C16orf96: variants seen among roughly 807,000 people sequenced by gnomAD.
The protein encoded by C16orf96 is uncharacterized protein C16orf96.
A neutral mutation model predicts 103.6 loss-of-function variants in C16orf96; 108 were observed. The ratio of observed to expected loss-of-function variants is 1.04; its 90% CI spans 0.89 to 1.22. The LOEUF (loss-of-function observed/expected upper bound fraction) is 1.22, where lower values mean the gene tolerates loss of function less well. Ranked by LOEUF, C16orf96 falls within the 50% of genes most tolerant of loss-of-function variation. C16orf96 has a pLI of 0.00. For synonymous variants in C16orf96, 566 were observed against 593.5 expected (o/e 0.95, Z 0.67); for missense variants, 1,586 against 1,464.2 (o/e 1.08, Z -1.36).
intron 7 of C16orf96, among the ~76,000 whole-genome samples, 189 bp downstream of exon 7, chr16:4,580,314 C>CCT (rs1287266947): frequency 8.0e-6 from 1 of 125,376 alleles, no homozygotes; most frequent in African/African-American, 2.7e-5. Flanking sequence ...CCCACCACCC[C>CCT]CCCCCACCCA....
intron 7 of C16orf96, among the ~76,000 whole-genome samples, chr16:4,582,056 C>T (rs1261110637): frequency 4.6e-5 from 7 of 151,934 alleles, no homozygotes; most frequent in South Asian, 2.1e-4. Flanking sequence ...CTGAGGCAGG[C>T]GGATCACCTG....
intron 2 of C16orf96, among the ~76,000 whole-genome samples, chr16:4,573,296 G>C (rs533225096): frequency 6.6e-6 from 1 of 151,924 alleles, no homozygotes; most frequent in Non-Finnish European, 1.5e-5. Context: ...AAAATTAGCT[G>C]GGTGTGGTTG....
intron 1 of C16orf96, 59 bp from the exon 2 acceptor site, chr16:4,571,502 T>C: frequency 3.5e-6 from 5 of 1,440,758 alleles, no homozygotes; most frequent in Non-Finnish European, 4.7e-6. Context: ...GCTTCTGCAC[T>C]TCACTTACCT....
Position 4,587,092 on chromosome 16 carries a change from G to A in C16orf96, c.2406G>A (p.Thr802=), listed in dbSNP as rs376364321. ...RLEMNKVNKS[T]MEEELREKAD... The stretch of plus-strand genomic sequence containing the variant: ...AAATGAACAAGGTGAATAAGAGCAC[G>A]ATGGAGGAGGAGCTGAGAGAGGTGA... The change falls in exon 8 of 16, where the codon ACG becomes ACA. Residue 802 remains threonine, a synonymous_variant. Transcript: ENST00000444310. 1.4e-5 allele frequency: 22 copies of A among 1,551,610 alleles called. No individual in the cohort carries two copies. The highest frequency in any genetic ancestry group is 1.7e-4 in the Middle Eastern group (1 of 5,964).
At chr16:4,597,533 A>G (rs1235200917) in intron 14 of C16orf96, among the ~76,000 whole-genome samples, 1 of 151,568 alleles carries the variant, frequency 6.6e-6, no homozygotes, top group Non-Finnish European at 1.5e-5. Context: ...CCAGGACTTG[A>G]ATCATGATGG....
chr16:4,571,006 CAAACAA>C (rs960064232), intron 1 of C16orf96, among the ~76,000 whole-genome samples: 5 of 151,876 alleles, frequency 3.3e-5, no homozygotes, highest in Admixed American at 6.6e-5. Flanking sequence ...CCATCTCTAC[CAAACAA>C]AAACAAAAAC....
At chr16:4,573,423 A>G (rs1254208399) in intron 2 of C16orf96, among the ~76,000 whole-genome samples, 2 of 124,374 alleles carry the variant, frequency 1.6e-5, no homozygotes, top group African/African-American at 6.2e-5. Flanking sequence ...TGGGTGACAG[A>G]GCAAGACTCC....
At chr16:4,546,100 G>A in the C16orf96 span, among the ~76,000 whole-genome samples, 1 of 151,506 alleles carries the variant, frequency 6.6e-6, no homozygotes, top group Non-Finnish European at 1.5e-5. Flanking sequence ...CGCCCACCCT[G>A]GCCTCCCAAA....
intron 7 of C16orf96, among the ~76,000 whole-genome samples, chr16:4,581,329 C>CT (rs2059586427): frequency 6.7e-6 from 1 of 148,158 alleles, no homozygotes; most frequent in Admixed American, 6.7e-5. Flanking sequence ...GAGCGAAACT[C>CT]TGTCTCAAAA....
chr16:4,574,150 T>A (rs1325214590), intron 2 of C16orf96, among the ~76,000 whole-genome samples: 2 of 151,170 alleles, frequency 1.3e-5, no homozygotes, highest in Admixed American at 6.6e-5. Flanking sequence ...AGATTCTTAA[T>A]GTGCTTTTGC....
At chr16:4,561,144 C>CA (rs536914506) in intron 1 of C16orf96, 238 of 144,218 alleles carry the variant, frequency 1.7e-3, no homozygotes, top group Admixed American at 3.7e-3. Context: ...GAAACTCCGT[C>CA]AAAAAAAAAA....
intron 5 of C16orf96, among the ~76,000 whole-genome samples, chr16:4,577,310 C>T (rs919287600): frequency 6.6e-6 from 1 of 152,012 alleles, no homozygotes; most frequent in African/African-American, 2.4e-5. Context: ...GGCAGGAAGA[C>T]TGCTTGAACT....
At chr16:4,563,232 C>A in intron 1 of C16orf96, 1 of 531,328 alleles carries the variant, frequency 1.9e-6, no homozygotes, top group South Asian at 1.7e-5. Context: ...CCCTCTTGCT[C>A]GTTCGCTCAT....
At chr16:4,574,941 A>T in intron 3 of C16orf96, 31 bp from the exon 4 acceptor site, 4 of 1,546,842 alleles carry the variant, frequency 2.6e-6, no homozygotes, top group Non-Finnish European at 3.5e-6. Context: ...CTCCAGGCTC[A>T]CAGCCCTCAT....
At chr16:4,547,697 T>C in the C16orf96 span, among the ~76,000 whole-genome samples, 888 of 34,298 alleles carry the variant, frequency 0.026, 6 homozygotes, top group Admixed American at 0.044. Flanking sequence ...TCCTTCTTTC[T>C]TTCTTTCTTT....
intron 11 of C16orf96, 40 bp downstream of exon 11, chr16:4,592,407 T>C: frequency 6.5e-7 from 1 of 1,550,086 alleles, no homozygotes; most frequent in Non-Finnish European, 8.7e-7. Context: ...CCTAAGGGCT[T>C]GTGGGGCCCA....
At chr16:4,580,245 T>A in intron 7 of C16orf96, 120 bp downstream of exon 7, 1 of 706,854 alleles carries the variant, frequency 1.4e-6, no homozygotes, top group Non-Finnish European at 2.2e-6. Context: ...TGGGAACCAG[T>A]GGGGCTTTAC....
chr16:4,571,905 A>T (rs1260711080), intron 2 of C16orf96, among the ~76,000 whole-genome samples: 1 of 150,262 alleles, frequency 6.7e-6, no homozygotes, highest in Admixed American at 6.7e-5. Flanking sequence ...GATGGAGTGC[A>T]ATGGCATGAT....
chr16:4,580,055 T>A lies in C16orf96; in HGVS notation c.2282T>A (p.Met761Lys), dbSNP rs1412849384. Residue 761 changes from methionine (M) to lysine (K), a missense_variant, in exon 7 of 16, where the codon ATG becomes AAG. By Grantham distance (95) the Met-to-Lys change is moderately conservative. Transcript: ENST00000444310. ...LERIWGNQIE[M>K]MKDRYITLDK... ...AGAATTTGGGGCAACCAAATAGAGA[T>A]GATGAAGGATCGCTACATCACTTTG... The A allele has an allele frequency of 3.2e-6, 5 of 1,550,888 alleles. No individual in the cohort carries two copies. Among genetic ancestry groups the A allele is most frequent in the Non-Finnish European group, 4.4e-6 (5 of 1,146,630 alleles).
Sources: gnomAD v4.1 joint callset for allele counts (sites outside exome capture counted in the v4.1 genomes callset) on GRCh38, gnomAD v4.1.1 for gene constraint, MANE v1.5 for transcripts, NCBI Gene and HGNC (gene_info 2026-07-23, HGNC 2026-07-21) for gene names.